LNX2: variants seen among roughly 807,000 people sequenced by gnomAD.
The protein encoded by LNX2 is ligand of Numb protein X 2.
In LNX2, 35 loss-of-function variants were observed where a neutral mutation model predicts 66.2. The ratio of observed to expected loss-of-function variants is 0.53; its 90% CI spans 0.40 to 0.70. The LOEUF (loss-of-function observed/expected upper bound fraction) is 0.70, where lower values mean the gene tolerates loss of function less well. Ranked by LOEUF, LNX2 falls within the 30% of genes least tolerant of loss-of-function variation. LNX2 has a pLI of 0.00. For synonymous variants in LNX2, 337 were observed against 315.6 expected (o/e 1.07, Z -0.72); for missense variants, 791 against 850.8 (o/e 0.93, Z 0.87).
intron 9 of LNX2, 149 bp from the exon 10 acceptor site, chr13:27,548,619 C>T (rs1359327895): frequency 6.9e-6 from 6 of 869,658 alleles, no homozygotes; most frequent in African/African-American, 6.8e-5. Flanking sequence ...TCTGGGACAG[C>T]CCTTAAGCCT....
intron 1 of LNX2, among the ~76,000 whole-genome samples, chr13:27,588,012 C>T (rs1349973545): frequency 3.1e-5 from 3 of 95,736 alleles, no homozygotes; most frequent in African/African-American, 4.5e-5. Context: ...GAGTGCGAGA[C>T]TCTTGTCACA....
At chr13:27,583,935 G>T (rs891492580) in intron 1 of LNX2, among the ~76,000 whole-genome samples, 1 of 152,144 alleles carries the variant, frequency 6.6e-6, no homozygotes, top group Non-Finnish European at 1.5e-5. Context: ...AAAAAAACAT[G>T]GGACTGCTGA....
Position 27,581,470 on chromosome 13 carries a change from TAA to T in LNX2, c.232_233del (p.Leu78ThrfsTer16), listed in dbSNP as rs1736098779. 2 of 1,611,326 alleles carry T rather than the reference TAA, an allele frequency of 1.2e-6. No individual in the cohort carries two copies. Among genetic ancestry groups the T allele is most frequent in the Non-Finnish European group, 1.7e-6 (2 of 1,178,014 alleles). ...CCAACGGACAGAAATCTTTCTCTTG[TAA>T]AAAGTTTCTGAGGCACTTGTAGCAG... ...TFCYKCLRNF[L>X]QEKDFCPLDR... On this transcript the variant is annotated frameshift_variant, in exon 2 of 10. Transcript: ENST00000316334. LOFTEE classifies it high-confidence loss of function.
intron 1 of LNX2, among the ~76,000 whole-genome samples, chr13:27,611,561 T>C (rs1027010468): frequency 2.0e-5 from 3 of 152,222 alleles, no homozygotes; most frequent in Non-Finnish European, 4.4e-5. Context: ...CACTTAAAAA[T>C]GGTTACGATA....
At chr13:27,551,733 C>A (rs972417629) in intron 8 of LNX2, among the ~76,000 whole-genome samples, 13 of 152,128 alleles carry the variant, frequency 8.5e-5, no homozygotes, top group Non-Finnish European at 2.9e-5. Flanking sequence ...TTTCCTAGCT[C>A]ACTGATAAGA....
intron 8 of LNX2, 95 bp from the exon 9 acceptor site, chr13:27,550,586 C>G: frequency 2.2e-6 from 2 of 894,134 alleles, no homozygotes; most frequent in South Asian, 3.7e-5. Context: ...ATATTTACCA[C>G]TCTTGGAAAA....
intron 1 of LNX2, among the ~76,000 whole-genome samples, chr13:27,588,485 G>T (rs950211039): frequency 6.6e-6 from 1 of 152,168 alleles, no homozygotes; most frequent in Non-Finnish European, 1.5e-5. Flanking sequence ...TTATAGAAAT[G>T]GATTAGAGGT....
chr13:27,550,424 C>T lies in LNX2; in HGVS notation c.1846G>A (p.Val616Ile), dbSNP rs1009286286. 1.9e-6 allele frequency: 3 copies of T among 1,613,874 alleles called. No homozygotes were observed. The highest frequency in any genetic ancestry group is 2.2e-5 in the East Asian group (1 of 44,872). Residue 616 changes from valine to isoleucine, a missense_variant, in exon 9 of 10, where the codon GTT becomes ATT. Val to Ile is a conservative substitution (Grantham distance 29). Coordinates refer to ENST00000316334, the MANE Select transcript of LNX2 (RefSeq NM_153371.4). The stretch of plus-strand genomic sequence containing the variant: ...GTGTGGTTCTCTTCATATCCACCAA[C>T]GATACTAAAGCCCCAACTTCCCAAG... ...SYLGSWGFSI[V>I]GGYEENHTNQ... is the part of the protein sequence containing the mutation.
chr13:27,593,732 TTTTGTG>T (rs1310852160), intron 1 of LNX2, among the ~76,000 whole-genome samples: 1 of 143,154 alleles, frequency 7.0e-6, no homozygotes, highest in African/African-American at 2.7e-5. Context: ...CACGCCTGGT[TTTTGTG>T]TGTGTGTGTG....
intron 4 of LNX2, among the ~76,000 whole-genome samples, chr13:27,563,700 G>A (rs533955887): frequency 2.1e-3 from 316 of 152,308 alleles, no homozygotes; most frequent in African/African-American, 7.3e-3. Flanking sequence ...CAGGCTCTGA[G>A]TTAGGTGTTT....
chr13:27,550,708 GACACACACACACACAT>G (rs1413268745), intron 8 of LNX2, among the ~76,000 whole-genome samples: 4 of 151,384 alleles, frequency 2.6e-5, no homozygotes, highest in African/African-American at 9.7e-5. Flanking sequence ...CCCAAGTGAA[GACACACACACACACAT>G]ACACACACAC....
chr13:27,600,069 A>G (rs1162776104), intron 1 of LNX2, among the ~76,000 whole-genome samples: 1 of 152,168 alleles, frequency 6.6e-6, no homozygotes, highest in African/African-American at 2.4e-5. Flanking sequence ...CAGAAAATTC[A>G]TGACTCATTC....
At chr13:27,573,732 C>T (rs750783095) in intron 2 of LNX2, among the ~76,000 whole-genome samples, 1 of 152,084 alleles carries the variant, frequency 6.6e-6, no homozygotes, top group South Asian at 2.1e-4. Flanking sequence ...GTCCAGTACA[C>T]AAAATGAGCA....
intron 5 of LNX2, among the ~76,000 whole-genome samples, chr13:27,560,565 G>GCATATA (rs1242930383): frequency 3.3e-5 from 4 of 120,010 alleles, no homozygotes; most frequent in East Asian, 4.5e-4. Context: ...ATGTATGTGT[G>GCATATA]TATATATATA....
chr13:27,548,095 T>A lies in LNX2; in HGVS notation c.*240A>T, dbSNP rs1566112839. The A allele has an allele frequency of 2.1e-6, 1 of 468,198 alleles. No homozygotes were observed. The highest frequency in any genetic ancestry group is 3.8e-6 in the Non-Finnish European group (1 of 263,286). 29.0% of individuals were successfully genotyped at this position (468,198 alleles called of 1,614,324 possible). ...CATAGGTAACATTTTAACAACTAAGTCTGAATTCTGAAAATATAAACTCAC... is the reference window on the plus strand; with the variant it reads ...CATAGGTAACATTTTAACAACTAAGACTGAATTCTGAAAATATAAACTCAC... On this transcript the variant is annotated 3_prime_UTR_variant, in exon 10 of 10. Coordinates refer to ENST00000316334, the MANE Select transcript of LNX2 (RefSeq NM_153371.4).
At chr13:27,599,250 T>C (rs1217252954) in intron 1 of LNX2, among the ~76,000 whole-genome samples, 1 of 152,208 alleles carries the variant, frequency 6.6e-6, no homozygotes, top group Non-Finnish European at 1.5e-5. Context: ...GCAACCTTTG[T>C]ATATAAAAGG....
chr13:27,589,505 C>T (rs1215876937), intron 1 of LNX2, among the ~76,000 whole-genome samples: 1 of 152,020 alleles, frequency 6.6e-6, no homozygotes, highest in Non-Finnish European at 1.5e-5. Flanking sequence ...TAACTTTAAT[C>T]TTTTAAATAT....
rs140449254 is a variant in LNX2, at chr13:27,600,486, C to T, written c.-100-18683G>A. On this transcript the variant is annotated intron_variant, in intron 1 of 9. Transcript: ENST00000316334. ...AATATATATGGTACAGAAACATAAC[C>T]GTAGAATTACTCAGTAGGTAAAGAA... is the stretch of plus-strand genomic sequence containing the variant. Among the ~76,000 whole-genome samples the T allele has an allele frequency of 3.0e-3, 456 of 152,144 alleles. 1 individual carries two copies. Among genetic ancestry groups the T allele is most frequent in the Middle Eastern group, 6.8e-3 (2 of 294 alleles).
At chr13:27,590,394 T>C (rs1198443514) in intron 1 of LNX2, among the ~76,000 whole-genome samples, 3 of 152,028 alleles carry the variant, frequency 2.0e-5, no homozygotes, top group African/African-American at 7.2e-5. Flanking sequence ...AATTTTTATA[T>C]TTTTAGTAGA....
Sources: gnomAD v4.1 joint callset for allele counts (sites outside exome capture counted in the v4.1 genomes callset) on GRCh38, gnomAD v4.1.1 for gene constraint, MANE v1.5 for transcripts, NCBI Gene and HGNC (gene_info 2026-07-23, HGNC 2026-07-21) for gene names.